The following AZIN2 variants were observed in gnomAD, a reference collection of about 807,000 sequenced individuals.
AZIN2 encodes antizyme inhibitor 2, also known as ODC antizyme inhibitor-2.
AZIN2 carries 28 observed loss-of-function variants against 47.8 expected under a neutral mutation model. The observed-to-expected ratio is 0.59, with a 90% confidence interval of 0.43 to 0.80. The LOEUF (loss-of-function observed/expected upper bound fraction) is 0.80, where lower values mean the gene tolerates loss of function less well. Ranked by LOEUF, AZIN2 falls within the 30% of genes least tolerant of loss-of-function variation. The probability of loss-of-function intolerance (pLI) is 0.00; values close to 1 mark genes in which losing one functional copy is unlikely to be tolerated. For synonymous variants in AZIN2, 221 were observed against 239.4 expected, an observed-to-expected ratio of 0.92 and a Z score of 0.71; for missense variants, 535 against 582.5, an observed-to-expected ratio of 0.92 and a Z score of 0.84.
chr1:33,150,611 A>C, the AZIN2 span, among the ~76,000 whole-genome samples: 1 of 152,322 alleles, frequency 6.6e-6, no homozygotes, highest in East Asian at 1.9e-4. Flanking sequence ...CCAAGAGAGG[A>C]CGGCCACTGA....
the AZIN2 span, chr1:33,147,557 C>T: frequency 1.7e-5 from 28 of 1,614,084 alleles, no homozygotes; most frequent in African/African-American, 8.0e-5. This position sits in a 1 kb window ranked among gnomAD's most constrained non-coding sequence, Gnocchi z 8.1. Context: ...CAGTAGTGGA[C>T]GCCACTACTG....
In AZIN2 at chr1:33,084,023, T is replaced by C. The variant is rs1316039982; in HGVS notation, c.175T>C (p.Cys59Arg). ...GAGGAAGCACTTTTGCTTTCTGAAG[T>C]GCCTGCCACGAGTCCGGCCCTTTTA... ...IVRKHFCFLK[C>R]LPRVRPFYAV... The change falls in exon 5 of 12, where the codon TGC (cysteine) becomes CGC (arginine). Residue 59 changes from cysteine (C) to arginine (R), a missense_variant. This residue lies in a region of AZIN2 where 409 missense variants were observed against 429.0 expected (regional missense o/e 0.95). Transcript: ENST00000294517. The C allele has an allele frequency of 1.5e-5, 24 of 1,614,096 alleles. No homozygotes were observed. The highest frequency in any genetic ancestry group is 2.0e-5 in the Non-Finnish European group (24 of 1,180,048).
intron 8 of AZIN2, among the ~76,000 whole-genome samples, 198 bp from the exon 9 acceptor site, chr1:33,096,509 G>A (rs975470714): frequency 2.6e-5 from 4 of 152,166 alleles, no homozygotes; most frequent in Non-Finnish European, 5.9e-5. Flanking sequence ...CAAGCACGAG[G>A]CTCTCTACCC....
chr1:33,158,235 T>G, the AZIN2 span: 2 of 1,608,492 alleles, frequency 1.2e-6, no homozygotes, highest in African/African-American at 2.7e-5. Flanking sequence ...CTCTGGACCA[T>G]GATAACCCAT....
intron 10 of AZIN2, among the ~76,000 whole-genome samples, chr1:33,101,053 G>A (rs1405685223): frequency 6.6e-6 from 1 of 151,988 alleles, no homozygotes; most frequent in Non-Finnish European, 1.5e-5. Context: ...GTAGAGATGA[G>A]GTTTTGCCAT....
At chr1:33,132,239 C>A in the AZIN2 span, among the ~76,000 whole-genome samples, 4 of 152,338 alleles carry the variant, frequency 2.6e-5, no homozygotes, top group African/African-American at 9.6e-5. Context: ...TAAAAGGCAG[C>A]GTGAGCTCTC....
chr1:33,140,258 C>T, the AZIN2 span, among the ~76,000 whole-genome samples: 21 of 152,196 alleles, frequency 1.4e-4, no homozygotes, highest in Admixed American at 6.5e-4. The surrounding 1 kb of genome is among the most constrained non-coding windows in gnomAD (Gnocchi z 4.0). Context: ...GAGTCAGAGA[C>T]GGAGCTGGGG....
the AZIN2 span, chr1:33,163,004 T>A: frequency 6.6e-6 from 1 of 152,134 alleles, no homozygotes; most frequent in Admixed American, 6.6e-5. Context: ...TGGGACGATT[T>A]TTTTTCTTTC....
chr1:33,130,152 C>T, the AZIN2 span, among the ~76,000 whole-genome samples: 1 of 152,188 alleles, frequency 6.6e-6, no homozygotes, highest in Non-Finnish European at 1.5e-5. Flanking sequence ...AACCACTGCA[C>T]CTGGCCGTAG....
At position 33,082,708 on chromosome 1, in the gene AZIN2, C is replaced by G. The variant is rs114319948; in HGVS notation, c.105+354C>G. ...AACCTCGCTTTCTAGTTCAGTCTTC[C>G]TCTCTCCAAAGGCCCCCTGATCTCC... is the stretch of plus-strand genomic sequence containing the variant. On this transcript the variant is annotated intron_variant, in intron 4 of 11. Coordinates refer to ENST00000294517, the MANE Select transcript of AZIN2 (RefSeq NM_052998.4). The G allele has an allele frequency of 1.3e-3, 248 of 194,956 alleles. 1 individual carries two copies. Among genetic ancestry groups the G allele is most frequent in the African/African-American group, 5.6e-3 (234 of 42,112 alleles). The allele number at this position is 194,956 out of a possible 1,614,324, so 12.1% of individuals were successfully genotyped here. A position where few individuals can be genotyped will look rare whatever the true frequency, so the allele number is the denominator to read the frequency against.
chr1:33,150,924 G>A, the AZIN2 span, among the ~76,000 whole-genome samples: 6 of 152,294 alleles, frequency 3.9e-5, no homozygotes, highest in East Asian at 1.2e-3. Flanking sequence ...TCAGAGTGCT[G>A]GGGGAACCTA....
intron 5 of AZIN2, among the ~76,000 whole-genome samples, chr1:33,086,260 C>T (rs1641884333): frequency 6.6e-6 from 1 of 152,090 alleles, no homozygotes; most frequent in South Asian, 2.1e-4. Flanking sequence ...CTGGTGAGGA[C>T]ACATTTAACG....
At chr1:33,119,282 A>G in intron 11 of AZIN2, 1 of 154,084 alleles carries the variant, frequency 6.5e-6, no homozygotes. Flanking sequence ...GCAGGGCCTG[A>G]GAGCAGAGGG....
At chr1:33,086,445 C>T (rs1390376240) in intron 5 of AZIN2, among the ~76,000 whole-genome samples, 1 of 152,166 alleles carries the variant, frequency 6.6e-6, no homozygotes, top group Non-Finnish European at 1.5e-5. Flanking sequence ...ACTTAAGCCC[C>T]CTCCCTGTGA....
chr1:33,104,454 T>G (rs1643900767), intron 10 of AZIN2, among the ~76,000 whole-genome samples: 1 of 152,160 alleles, frequency 6.6e-6, no homozygotes, highest in Non-Finnish European at 1.5e-5. Context: ...TTTGACACAC[T>G]ATTTTGTTTT....
intron 10 of AZIN2, among the ~76,000 whole-genome samples, chr1:33,110,966 G>A (rs542267199): frequency 1.4e-3 from 214 of 152,308 alleles, no homozygotes; most frequent in African/African-American, 5.0e-3. Flanking sequence ...TCCCTCCAAG[G>A]CTGATATTGA....
chr1:33,158,605 G>T, the AZIN2 span, among the ~76,000 whole-genome samples: 4 of 152,174 alleles, frequency 2.6e-5, no homozygotes, highest in Admixed American at 6.5e-5. Context: ...CTTTTTGTGA[G>T]AATTACATGG....
At chr1:33,158,288 G>A in the AZIN2 span, 1 of 1,614,074 alleles carries the variant, frequency 6.2e-7, no homozygotes, top group South Asian at 1.1e-5. Flanking sequence ...CTTCCAGATG[G>A]TGTACTGCAG....
the AZIN2 span, among the ~76,000 whole-genome samples, chr1:33,154,767 C>A: frequency 6.8e-6 from 1 of 146,096 alleles, no homozygotes; most frequent in Non-Finnish European, 1.5e-5. Flanking sequence ...CACTGCACTC[C>A]AGCCTGGTTG....
Sources: allele counts gnomAD v4.1 joint callset (sites outside exome capture counted in the v4.1 genomes callset), GRCh38; gene constraint gnomAD v4.1.1; regional missense constraint gnomAD v4.1.1; non-coding constraint Gnocchi (gnomAD v3.1); transcripts MANE v1.5; gene names NCBI Gene and HGNC (gene_info 2026-07-23, HGNC 2026-07-21).